DGKD: variants seen among roughly 807,000 people sequenced by gnomAD.
The protein encoded by DGKD is DAG kinase delta.
DGKD carries 68 observed loss-of-function variants against 154.4 expected under a neutral mutation model. The ratio of observed to expected loss-of-function variants is 0.44; its 90% confidence interval spans 0.36 to 0.54. The LOEUF is 0.54. Ranked by LOEUF, DGKD falls within the 20% of genes least tolerant of loss-of-function variation. The probability of loss-of-function intolerance (pLI) is 0.00; values close to 1 mark genes in which losing one functional copy is unlikely to be tolerated. For missense variants in DGKD, 1,343 were observed against 1,593.6 expected (o/e 0.84, Z 2.68); for synonymous variants, 693 against 638.0 (o/e 1.09, Z -1.30).
rs1388986687 is a variant in DGKD at position 233,441,512 on chromosome 2, C to G, written c.1086-375C>G. Among the ~76,000 whole-genome samples, 2 of 152,158 alleles carry G rather than the reference C, an allele frequency of 1.3e-5. No homozygotes were observed. Among genetic ancestry groups the G allele is most frequent in the Non-Finnish European group, 2.9e-5 (2 of 68,014 alleles). ...TGTGGATGGGGCAGGGACAGTGACG[C>G]AGGGTGGGCTCACATGGTTAGGGGC... On this transcript the variant is annotated intron_variant, in intron 9 of 29. Transcript: ENST00000264057. This position sits in a 1 kb window ranked among gnomAD's most constrained non-coding sequence, Gnocchi z 5.6.
At chr2:233,453,776 C>T (rs1182745405) in intron 18 of DGKD, among the ~76,000 whole-genome samples, 3 of 152,198 alleles carry the variant, frequency 2.0e-5, no homozygotes, top group Non-Finnish European at 2.9e-5. Flanking sequence ...TGGGCTTTCC[C>T]AGCAGCTGGG....
intron 3 of DGKD, among the ~76,000 whole-genome samples, chr2:233,410,329 A>AC: frequency 6.6e-6 from 1 of 152,256 alleles, no homozygotes; most frequent in East Asian, 1.9e-4. Context: ...CCCGTCATTG[A>AC]CCGGGATCGC....
intron 1 of DGKD, among the ~76,000 whole-genome samples, chr2:233,364,277 G>A (rs929932212): frequency 1.3e-5 from 2 of 152,120 alleles, no homozygotes; most frequent in South Asian, 2.1e-4. Flanking sequence ...CAAAAACAAT[G>A]TTTTTGCCAG....
intron 3 of DGKD, among the ~76,000 whole-genome samples, chr2:233,430,348 C>T (rs548726308): frequency 5.3e-5 from 8 of 152,270 alleles, no homozygotes; most frequent in Middle Eastern, 3.4e-3. Flanking sequence ...ATCCATAGGG[C>T]GCTGGCTGAG....
intron 1 of DGKD, among the ~76,000 whole-genome samples, chr2:233,362,225 A>G (rs1701819145): frequency 6.6e-6 from 1 of 152,256 alleles, no homozygotes; most frequent in South Asian, 2.1e-4. Flanking sequence ...AATACCCACA[A>G]GGAAGCCTGG....
Position 233,388,249 on chromosome 2 carries a change from A to T in DGKD, c.157-8A>T. On this transcript the variant is annotated splice_polypyrimidine_tract_variant and splice_region_variant and intron_variant, in intron 1 of 29. Transcript: ENST00000264057. ...CGCAAGTTTATGAATATGTTTCTGT[A>T]CTTTCAGACCATCATCAAAGAGGGG... 6.2e-7 allele frequency: 1 copy of T among 1,609,652 alleles called. No homozygotes were observed. Among genetic ancestry groups the T allele is most frequent in the Non-Finnish European group, 8.5e-7 (1 of 1,178,928 alleles).
chr2:233,444,150 A>G (rs1397578446), intron 10 of DGKD, among the ~76,000 whole-genome samples: 1 of 151,996 alleles, frequency 6.6e-6, no homozygotes, highest in East Asian at 1.9e-4. Flanking sequence ...CGAGTTTCCA[A>G]CACTACACCA....
chr2:233,414,767 G>T (rs1275356840), intron 3 of DGKD, among the ~76,000 whole-genome samples: 1 of 152,170 alleles, frequency 6.6e-6, no homozygotes, highest in Non-Finnish European at 1.5e-5. Flanking sequence ...GTTTTCCTTA[G>T]AGTTAGTTTT....
intron 1 of DGKD, among the ~76,000 whole-genome samples, chr2:233,369,480 C>T (rs1262470805): frequency 6.6e-6 from 1 of 152,212 alleles, no homozygotes; most frequent in Non-Finnish European, 1.5e-5. Flanking sequence ...CCACGTCTTC[C>T]TGCATCTTAG....
At chr2:233,447,967 A>T in intron 12 of DGKD, 120 bp from the exon 13 acceptor site, 1 of 1,545,048 alleles carries the variant, frequency 6.5e-7, no homozygotes, top group Non-Finnish European at 8.7e-7. Flanking sequence ...AGTGTCTGTT[A>T]GGAGAGACTC....
chr2:233,464,318 G>A lies in DGKD; in HGVS notation c.3306+35G>A, dbSNP rs770455381. On this transcript the variant is annotated intron_variant, in intron 27 of 29. Coordinates refer to ENST00000264057, the MANE Select transcript of DGKD (RefSeq NM_152879.3). ...TCATAGGGCTGTGCCTGGGTCTCCC[G>A]GACATGGTGGCTCTCGCCTGAAGTG... The A allele has an allele frequency of 9.3e-6, 15 of 1,607,088 alleles. No individual in the cohort carries two copies. In the African/African-American group the frequency reaches 1.1e-4, roughly 11 times the overall value.
chr2:233,451,032 A>G lies in DGKD; in HGVS notation c.2149A>G (p.Thr717Ala). 6.2e-7 allele frequency: 1 copy of G among 1,611,040 alleles called. No individual in the cohort carries two copies. Among genetic ancestry groups the G allele is most frequent in the South Asian group, 1.1e-5 (1 of 91,018 alleles). The change falls in exon 17 of 30, where the codon ACC becomes GCC. Residue 717 changes from threonine (T) to alanine (A), a missense_variant. This residue lies in a region of DGKD where 409 missense variants were observed against 446.0 expected (regional missense o/e 0.92). Transcript: ENST00000264057. The stretch of plus-strand genomic sequence containing the variant: ...CCGGGACGGCCTGCCTGCGCTCAAC[A>G]CCAAGATCCTGTACCCAAGTGAGTG... The part of the protein sequence containing the change: ...GSRDGLPALN[T>A]KILYPNVRAG...
rs144895645 is a variant in DGKD at position 233,363,119 on chromosome 2, A to G, written c.156+8445A>G. Among the ~76,000 whole-genome samples the G allele has an allele frequency of 3.2e-3, 484 of 152,342 alleles. 1 individual carries two copies. Among genetic ancestry groups the G allele is most frequent in the African/African-American group, 0.011 (449 of 41,570 alleles). On this transcript the variant is annotated intron_variant, in intron 1 of 29. Coordinates refer to ENST00000264057, the MANE Select transcript of DGKD (RefSeq NM_152879.3). ...TATAGAAAAAAGAAAAACAAATTGT[A>G]AAACAGCCTCAAGCAGGTCCTTCAG...
Position 233,459,355 on chromosome 2 carries a change from G to A in DGKD, c.2695-402G>A, listed in dbSNP as rs966252283. Among the ~76,000 whole-genome samples the A allele has an allele frequency of 6.6e-6, 1 of 152,188 alleles. No individual in the cohort carries two copies. The highest frequency in any genetic ancestry group is 1.5e-5 in the Non-Finnish European group (1 of 68,042). On this transcript the variant is annotated intron_variant, in intron 22 of 29. Transcript: ENST00000264057. The surrounding 1 kb of genome is among the most constrained non-coding windows in gnomAD (Gnocchi z 5.7). The stretch of plus-strand genomic sequence containing the variant: ...TGGCAATGTTTGTTGTTGAAAAGGA[G>A]GAACGGGATGATGATGGATGGCTCA...
intron 3 of DGKD, among the ~76,000 whole-genome samples, chr2:233,425,439 A>G (rs554315229): frequency 6.6e-6 from 1 of 152,282 alleles, no homozygotes; most frequent in South Asian, 2.1e-4. Flanking sequence ...TGCCCGCCTC[A>G]GCCTCCCAAA....
intron 3 of DGKD, among the ~76,000 whole-genome samples, chr2:233,404,299 A>G (rs1014301730): frequency 1.3e-5 from 2 of 152,198 alleles, no homozygotes; most frequent in African/African-American, 4.8e-5. Context: ...TTAGGAACTG[A>G]GAATGTTTCA....
rs1479512625 is a variant in DGKD, at chr2:233,452,708, A to T, written c.2264+648A>T. Among the ~76,000 whole-genome samples the T allele has an allele frequency of 6.6e-6, 1 of 152,190 alleles. No homozygotes were observed. Among genetic ancestry groups the T allele is most frequent in the African/African-American group, 2.4e-5 (1 of 41,442 alleles). On this transcript the variant is annotated intron_variant, in intron 18 of 29. Coordinates refer to ENST00000264057, the MANE Select transcript of DGKD (RefSeq NM_152879.3). This position sits in a 1 kb window ranked among gnomAD's most constrained non-coding sequence, Gnocchi z 4.0. ...GTGAGGACATGTATATAGCAGTTTAATGCAGTCTTCCTAGGTATTGGAGTC... is the reference window on the plus strand; with the variant it reads ...GTGAGGACATGTATATAGCAGTTTATTGCAGTCTTCCTAGGTATTGGAGTC...
intron 3 of DGKD, among the ~76,000 whole-genome samples, chr2:233,402,146 C>A (rs774217915): frequency 2.0e-5 from 3 of 152,048 alleles, no homozygotes; most frequent in Non-Finnish European, 2.9e-5. Flanking sequence ...CGACCCTGTC[C>A]GTTTCCTCCT....
chr2:233,394,691 CTTTTTTTTTTTTTTTTTTT>C (rs1162430401), intron 3 of DGKD, among the ~76,000 whole-genome samples: 9 of 26,390 alleles, frequency 3.4e-4, no homozygotes, highest in African/African-American at 2.0e-3. Flanking sequence ...ATTTAATTCC[CTTTTTTTTTTTTTTTTTTT>C]TTTTTTTTTT....
Sources: gnomAD v4.1 joint callset for allele counts (sites outside exome capture counted in the v4.1 genomes callset) on GRCh38, gnomAD v4.1.1 for gene constraint, gnomAD v4.1.1 regional missense constraint, Gnocchi (gnomAD v3.1) non-coding constraint, MANE v1.5 for transcripts, NCBI Gene and HGNC (gene_info 2026-07-23, HGNC 2026-07-21) for gene names.